The following SIGLEC9 variants were observed in gnomAD, a reference collection of about 807,000 sequenced individuals.
SIGLEC9 encodes the protein sialic acid-binding Ig-like lectin 9.
Under a neutral mutation model 38.3 loss-of-function variants are expected in SIGLEC9, and 26 were observed. The observed-to-expected ratio is 0.68, with a 90% CI of 0.50 to 0.94. The LOEUF (loss-of-function observed/expected upper bound fraction) is 0.94. Among genes scored for constraint, SIGLEC9 ranks in the 40% least tolerant of loss-of-function variants. The probability of loss-of-function intolerance (pLI) is 0.00; values close to 1 mark genes in which losing one functional copy is unlikely to be tolerated. For synonymous variants in SIGLEC9, 236 were observed against 248.0 expected (o/e 0.95, Z 0.45); for missense variants, 556 against 585.7 (o/e 0.95, Z 0.52).
At position 51,125,591 on chromosome 19, in the gene SIGLEC9, CA is replaced by C; in HGVS notation, c.422-5del. ...ACCTGATCCTGAGTCCCCCTCTCTT[CA>C]CCAGCCTTGACCCACAGGCCCAACA... is the stretch of plus-strand genomic sequence containing the variant. On this transcript the variant is annotated splice_region_variant and splice_polypyrimidine_tract_variant and intron_variant, in intron 1 of 6. Coordinates refer to ENST00000250360, the MANE Select transcript of SIGLEC9 (RefSeq NM_014441.3). 6.2e-7 allele frequency: 1 copy of C among 1,609,226 alleles called. No homozygotes were observed. The highest frequency in any genetic ancestry group is 1.1e-5 in the South Asian group (1 of 91,090).
chr19:51,126,040 G>C (rs1398378306), intron 2 of SIGLEC9, 41 bp from the exon 3 acceptor site: 2 of 1,607,652 alleles, frequency 1.2e-6, no homozygotes, highest in East Asian at 4.5e-5. Flanking sequence ...AGTGTCCCCA[G>C]CCCTCACAGT....
At chr19:51,128,354 G>T in intron 5 of SIGLEC9, 60 bp from the exon 6 acceptor site, 1 of 1,565,348 alleles carries the variant, frequency 6.4e-7, no homozygotes, top group Non-Finnish European at 8.8e-7. Flanking sequence ...GGGGGTACCT[G>T]GTCTGCCCAC....
At position 51,127,049 on chromosome 19, in the gene SIGLEC9, T is replaced by C. The variant is rs1376685122; in HGVS notation, c.768T>C (p.Asn256=). Residue 256 remains asparagine, a synonymous_variant, in exon 4 of 7, where the codon AAT becomes AAC. Coordinates refer to ENST00000250360, the MANE Select transcript of SIGLEC9 (RefSeq NM_014441.3). ...CTACAGTATCCACAGTCTTGGGAAATGGCTCATCTCTGTCACTCCCAGAGG... is the reference window on the plus strand; with the variant it reads ...CTACAGTATCCACAGTCTTGGGAAACGGCTCATCTCTGTCACTCCCAGAGG... The part of the protein sequence containing the change: ...GDGTVSTVLG[N]GSSLSLPEGQ... The C allele has an allele frequency of 6.2e-7, 1 of 1,614,140 alleles. No individual in the cohort carries two copies. Among genetic ancestry groups the C allele is most frequent in the South Asian group, 1.1e-5 (1 of 91,090 alleles).
upstream of SIGLEC9, among the ~76,000 whole-genome samples, chr19:51,124,510 G>T (rs552018149): frequency 8.5e-5 from 13 of 152,202 alleles, no homozygotes; most frequent in Admixed American, 2.0e-4. Context: ...GTGCTTGCTT[G>T]GGGGGGATGA....
intron 3 of SIGLEC9, 36 bp from the exon 4 acceptor site, chr19:51,126,994 A>T (rs1568611862): frequency 2.5e-6 from 4 of 1,593,554 alleles, no homozygotes; most frequent in South Asian, 1.1e-5. Flanking sequence ...CTCCAGATCT[A>T]TGTATCTCTC....
At chr19:51,127,004 C>G in intron 3 of SIGLEC9, 26 bp from the exon 4 acceptor site, 1 of 1,608,612 alleles carries the variant, frequency 6.2e-7, no homozygotes, top group Non-Finnish European at 8.5e-7. Flanking sequence ...ATGTATCTCT[C>G]TGACCCTCTG....
upstream of SIGLEC9, among the ~76,000 whole-genome samples, chr19:51,124,499 C>T (rs560059443): frequency 8.5e-5 from 13 of 152,120 alleles, no homozygotes; most frequent in Middle Eastern, 3.4e-3. Flanking sequence ...GTGCCCACCT[C>T]GTGCTTGCTT....
chr19:51,128,132 G>A, intron 5 of SIGLEC9, 93 bp downstream of exon 5: 1 of 1,042,066 alleles, frequency 9.6e-7, no homozygotes, highest in Non-Finnish European at 1.5e-6. Context: ...GAGGGACCTG[G>A]ATGGGTCAAG....
downstream of SIGLEC9, chr19:51,130,317 T>C: frequency 4.5e-6 from 3 of 668,140 alleles, no homozygotes; most frequent in South Asian, 1.1e-4. Flanking sequence ...CCTACCTCTC[T>C]GTACCTTGGT....
At chr19:51,121,582 C>CT (rs374127142), upstream of SIGLEC9, among the ~76,000 whole-genome samples, 7,750 of 123,748 alleles carry the variant, frequency 0.063, 371 homozygotes, top group Middle Eastern at 0.079. Context: ...CCTTTGCTGT[C>CT]TTTTTTTTTT....
chr19:51,134,155 T>C (rs1425263821), downstream of SIGLEC9, among the ~76,000 whole-genome samples: 25 of 126,114 alleles, frequency 2.0e-4, no homozygotes, highest in African/African-American at 7.9e-4. Flanking sequence ...TTCTTTTTTT[T>C]TTTTTTTTTT....
At chr19:51,134,565 T>C (rs1485541437), downstream of SIGLEC9, among the ~76,000 whole-genome samples, 5 of 152,240 alleles carry the variant, frequency 3.3e-5, no homozygotes, top group African/African-American at 1.2e-4. Flanking sequence ...TATGTAAATT[T>C]ACCTTTCATG....
chr19:51,131,800 T>C (rs374086490), downstream of SIGLEC9, among the ~76,000 whole-genome samples: 40 of 148,178 alleles, frequency 2.7e-4, 4 homozygotes, highest in South Asian at 3.7e-3. Flanking sequence ...CCTGTAGTCC[T>C]TGCTACTTGG....
At chr19:51,121,422 C>A (rs1240105538), upstream of SIGLEC9, among the ~76,000 whole-genome samples, 1 of 151,952 alleles carries the variant, frequency 6.6e-6, no homozygotes, top group Non-Finnish European at 1.5e-5. Flanking sequence ...CCCCATTTAC[C>A]CCATTCAGGA....
intron 2 of SIGLEC9, 22 bp downstream of exon 2, chr19:51,125,897 C>A: frequency 6.2e-7 from 1 of 1,613,674 alleles, no homozygotes; most frequent in South Asian, 1.1e-5. Flanking sequence ...GCCGGGACGC[C>A]TGGGTCCCTG....
rs1207937554 is a variant in SIGLEC9, at chr19:51,128,051, C to A, written c.1106+12C>A. 6.2e-7 allele frequency: 1 copy of A among 1,603,944 alleles called. No individual in the cohort carries two copies. The highest frequency in any genetic ancestry group is 8.5e-7 in the Non-Finnish European group (1 of 1,171,392). ...GTCATCTTCGTTGTGTAAGCATGGACCCTAGAGAGGGAGGGAGGGAGAGCC... is the reference window on the plus strand; with the variant it reads ...GTCATCTTCGTTGTGTAAGCATGGAACCTAGAGAGGGAGGGAGGGAGAGCC... On this transcript the variant is annotated intron_variant, in intron 5 of 6. Coordinates refer to ENST00000250360, the MANE Select transcript of SIGLEC9 (RefSeq NM_014441.3).
At chr19:51,125,463 G>C in intron 1 of SIGLEC9, 68 bp downstream of exon 1, 1 of 1,548,280 alleles carries the variant, frequency 6.5e-7, no homozygotes, top group Non-Finnish European at 8.7e-7. Context: ...GGCTGGGATG[G>C]AGCCCCTGCC....
intron 6 of SIGLEC9, among the ~76,000 whole-genome samples, chr19:51,129,373 A>C (rs1050345128): frequency 2.0e-5 from 3 of 151,416 alleles, no homozygotes; most frequent in Non-Finnish European, 2.9e-5. Flanking sequence ...GTTAGCCAGG[A>C]TGGTCTCAGT....
In SIGLEC9 at chr19:51,130,272, C is replaced by T. The variant is rs1162152387; in HGVS notation, c.*193C>T. The stretch of plus-strand genomic sequence containing the variant: ...CAAACCTGAATCCACACTGTGCCCT[C>T]CCTTTTATTTTTTTAACTAAAAGAC... On this transcript the variant is annotated 3_prime_UTR_variant, in exon 7 of 7. Coordinates refer to ENST00000250360, the MANE Select transcript of SIGLEC9 (RefSeq NM_014441.3). 1 of 1,124,384 alleles carries T rather than the reference C, an allele frequency of 8.9e-7. No homozygotes were observed. The highest frequency in any genetic ancestry group is 1.1e-6 in the Non-Finnish European group (1 of 871,490). 69.7% of individuals were successfully genotyped at this position (1,124,384 alleles called of 1,614,324 possible).
Sources: gnomAD v4.1 joint callset for allele counts (sites outside exome capture counted in the v4.1 genomes callset) on GRCh38, gnomAD v4.1.1 for gene constraint, MANE v1.5 for transcripts, NCBI Gene and HGNC (gene_info 2026-07-23, HGNC 2026-07-21) for gene names.